PEPD: variants seen among roughly 807,000 people sequenced by gnomAD.
PEPD encodes the protein peptidase D, also known as xaa-Pro dipeptidase.
In PEPD, 53 loss-of-function variants were observed where a neutral mutation model predicts 60.7. That is an observed-to-expected ratio of 0.87 (90% CI 0.70 to 1.10). The LOEUF is 1.10. Ranked by LOEUF, PEPD falls within the 50% of genes least tolerant of loss-of-function variation. The pLI, the probability that PEPD is intolerant of heterozygous loss-of-function variation, is 0.00. For synonymous variants in PEPD, 267 were observed against 284.1 expected (o/e 0.94, Z 0.60); for missense variants, 711 against 711.9 (o/e 1.00, Z 0.01).
chr19:33,417,968 G>A (rs1968925948), intron 9 of PEPD, among the ~76,000 whole-genome samples: 1 of 152,220 alleles, frequency 6.6e-6, no homozygotes, highest in South Asian at 2.1e-4. Flanking sequence ...CTCTGCACCA[G>A]CTACCGGGAC....
chr19:33,517,135 C>A (rs954037856), intron 1 of PEPD, among the ~76,000 whole-genome samples: 1 of 152,130 alleles, frequency 6.6e-6, no homozygotes, highest in Non-Finnish European at 1.5e-5. Context: ...GAGCTGAGAT[C>A]GCAACACTAC....
intron 7 of PEPD, among the ~76,000 whole-genome samples, chr19:33,470,044 G>A (rs1433447300): frequency 6.6e-6 from 1 of 151,802 alleles, no homozygotes; most frequent in Admixed American, 6.6e-5. Context: ...CCATCTTCCT[G>A]CTGCTTCAGC....
chr19:33,408,482 C>A (rs183031854), intron 11 of PEPD, among the ~76,000 whole-genome samples: 1 of 152,306 alleles, frequency 6.6e-6, no homozygotes, highest in South Asian at 2.1e-4. Flanking sequence ...CATGTGTGTG[C>A]GTGTTGGGGG....
intron 9 of PEPD, among the ~76,000 whole-genome samples, chr19:33,438,021 C>T (rs1465319627): frequency 6.6e-6 from 1 of 152,204 alleles, no homozygotes; most frequent in Non-Finnish European, 1.5e-5. Context: ...AATGTCTAAC[C>T]GTGAAACAGG....
At chr19:33,464,425 C>A (rs1268874611) in intron 7 of PEPD, among the ~76,000 whole-genome samples, 1 of 152,224 alleles carries the variant, frequency 6.6e-6, no homozygotes, top group African/African-American at 2.4e-5. Flanking sequence ...ATGAAATCTA[C>A]ATGGCATGGC....
In PEPD at chr19:33,483,473, C is replaced by T. The variant is rs534242696; in HGVS notation, c.504-5383G>A. The stretch of plus-strand genomic sequence containing the variant: ...GTAGCCTAGCACAAGCTATAGGCCT[C>T]AGCAGAGAAGCCTCGGCAAGACTTC... On this transcript the variant is annotated intron_variant, in intron 6 of 14. Coordinates refer to ENST00000244137, the MANE Select transcript of PEPD (RefSeq NM_000285.4). Among the ~76,000 whole-genome samples, 4 of 152,266 alleles carry T rather than the reference C, an allele frequency of 2.6e-5. No individual in the cohort carries two copies. The East Asian group carries it at 5.8e-4, about 22-fold the overall frequency.
chr19:33,456,453 G>C (rs1969802823), intron 9 of PEPD, among the ~76,000 whole-genome samples: 1 of 152,198 alleles, frequency 6.6e-6, no homozygotes, highest in Non-Finnish European at 1.5e-5. Context: ...GGTGTTTCCT[G>C]ACTGCTCTCA....
intron 7 of PEPD, among the ~76,000 whole-genome samples, chr19:33,468,824 A>G (rs892684232): frequency 6.6e-6 from 1 of 152,218 alleles, no homozygotes. Context: ...AAAGCCTGAC[A>G]GCATGCTGTT....
intron 1 of PEPD, 113 bp downstream of exon 1, chr19:33,521,631 G>C: frequency 8.6e-7 from 1 of 1,162,686 alleles, no homozygotes; most frequent in Non-Finnish European, 1.2e-6. Context: ...GGGAAGAGGC[G>C]CCTACCCGCG....
At chr19:33,511,186 AGTGGAACATGAG>A (rs1465759952) in intron 2 of PEPD, 31 bp from the exon 3 acceptor site, 1 of 1,613,122 alleles carries the variant, frequency 6.2e-7, no homozygotes, top group East Asian at 2.2e-5. Context: ...ATTGTTAGCC[AGTGGAACATGAG>A]GTGCAAGGAG....
At chr19:33,419,494 CG>C (rs1226321486) in intron 9 of PEPD, among the ~76,000 whole-genome samples, 1 of 152,202 alleles carries the variant, frequency 6.6e-6, no homozygotes, top group African/African-American at 2.4e-5. Flanking sequence ...AGAACAATGA[CG>C]GGCTGGGGTC....
intron 5 of PEPD, among the ~76,000 whole-genome samples, chr19:33,490,585 G>C (rs1413225851): frequency 6.6e-6 from 1 of 152,206 alleles, no homozygotes; most frequent in African/African-American, 2.4e-5. Flanking sequence ...AATGGGACTT[G>C]GACAGGAATG....
At chr19:33,486,248 C>T (rs1447746571) in intron 6 of PEPD, among the ~76,000 whole-genome samples, 1 of 119,560 alleles carries the variant, frequency 8.4e-6, no homozygotes, top group African/African-American at 3.1e-5. Context: ...CCCCCACTAG[C>T]CCCCAAACCA....
At chr19:33,456,293 C>A (rs1969798965) in intron 9 of PEPD, among the ~76,000 whole-genome samples, 1 of 152,142 alleles carries the variant, frequency 6.6e-6, no homozygotes, top group South Asian at 2.1e-4. Flanking sequence ...CAGGACCTGC[C>A]CTGCCAGCAC....
rs370978260 is a variant in PEPD, at chr19:33,459,578, C to T, written c.671+3417G>A. On this transcript the variant is annotated intron_variant, in intron 9 of 14. Transcript: ENST00000244137. Reference sequence around the variant, plus strand: ...TATTGGTTTAACACAATTTACTACACCTCAATTGCGGAAAATGATTTTCAT... The same window carrying T: ...TATTGGTTTAACACAATTTACTACATCTCAATTGCGGAAAATGATTTTCAT... 3.7e-4 allele frequency among the ~76,000 whole-genome samples: 56 copies of T among 152,292 alleles called. 1 individual carries two copies. In the South Asian group the frequency reaches 0.012, roughly 32 times the overall value.
intron 10 of PEPD, 83 bp downstream of exon 10, chr19:33,413,492 G>T: frequency 1.3e-6 from 1 of 785,772 alleles, no homozygotes. Context: ...GGCTGAGCTG[G>T]GGGATGGTGG....
At chr19:33,429,417 C>T (rs543822288) in intron 9 of PEPD, among the ~76,000 whole-genome samples, 12 of 152,322 alleles carry the variant, frequency 7.9e-5, no homozygotes, top group African/African-American at 2.9e-4. Flanking sequence ...TACGCGGGGG[C>T]AGAAAAGCCA....
chr19:33,388,211 A>G (rs1280642833), intron 13 of PEPD, 130 bp from the exon 14 acceptor site: 4 of 793,064 alleles, frequency 5.0e-6, no homozygotes, highest in Non-Finnish European at 8.5e-6. Context: ...TCCTCAGCCT[A>G]GACTCGCCCC....
intron 6 of PEPD, chr19:33,486,813 GA>G (rs1970405403): frequency 6.6e-6 from 1 of 152,384 alleles, no homozygotes; most frequent in Non-Finnish European, 1.5e-5. Flanking sequence ...GACAGGTGGG[GA>G]CCACTGTCTA....
Sources: allele counts gnomAD v4.1 joint callset (sites outside exome capture counted in the v4.1 genomes callset), GRCh38; gene constraint gnomAD v4.1.1; transcripts MANE v1.5; gene names NCBI Gene and HGNC (gene_info 2026-07-23, HGNC 2026-07-21).